The following PPP2CA variants were observed in gnomAD, a reference collection of about 807,000 sequenced individuals.
The protein encoded by PPP2CA is protein phosphatase 2 catalytic subunit alpha.
Under a neutral mutation model 38.8 loss-of-function variants are expected in PPP2CA, and 5 were observed. The observed-to-expected ratio is 0.13, with a 90% CI of 0.07 to 0.27. The LOEUF is 0.27. Among genes scored for constraint, PPP2CA ranks in the 10% least tolerant of loss-of-function variants. The pLI, the probability that PPP2CA is intolerant of heterozygous loss-of-function variation, is 1.00. For synonymous variants in PPP2CA, 152 were observed against 134.0 expected (o/e 1.13, Z -0.93); for missense variants, 88 against 389.7 (o/e 0.23, Z 6.52).
At chr5:134,224,310 TA>T (rs1314527598) in intron 1 of PPP2CA, 1 of 455,830 alleles carries the variant, frequency 2.2e-6, no homozygotes, top group Non-Finnish European at 4.4e-6. Context: ...TCGCTACCAT[TA>T]AAAGGCATCT....
intron 1 of PPP2CA, among the ~76,000 whole-genome samples, chr5:134,209,615 A>C (rs1425181392): frequency 2.0e-5 from 3 of 151,684 alleles, no homozygotes; most frequent in Non-Finnish European, 4.4e-5. Context: ...CCCCGTCTCT[A>C]CTAAAAACAC....
At chr5:134,205,080 G>C (rs1045673123) in intron 2 of PPP2CA, among the ~76,000 whole-genome samples, 1 of 151,632 alleles carries the variant, frequency 6.6e-6, no homozygotes, top group African/African-American at 2.4e-5. Flanking sequence ...CTACAGGCCT[G>C]TGCCACCACA....
rs10649430 is a variant in PPP2CA, at chr5:134,220,456, CAAAAAAAAA to C, written c.102+5295_102+5303del. On this transcript the variant is annotated intron_variant, in intron 1 of 6. Transcript: ENST00000481195. ...CCTGGGCGACTGTGAGACTCTATCT[CAAAAAAAAA>C]AAAAAAAAAAAAAGCCCACAAAAAC... 1.4e-3 allele frequency among the ~76,000 whole-genome samples: 75 copies of C among 54,054 alleles called. No homozygotes were observed. The Middle Eastern group carries it at 0.058, about 42-fold the overall frequency. The allele number at this position is 54,054 out of a possible 152,430, so 35.5% of individuals were successfully genotyped here. A position where few individuals can be genotyped will look rare whatever the true frequency, so the allele number is the denominator to read the frequency against.
At position 134,197,496 on chromosome 5, in the gene PPP2CA, G is replaced by T; in HGVS notation, c.*276C>A. 2.3e-6 allele frequency: 1 copy of T among 427,810 alleles called. No individual in the cohort carries two copies. Among genetic ancestry groups the T allele is most frequent in the Non-Finnish European group, 4.3e-6 (1 of 234,004 alleles). The allele number at this position is 427,810 out of a possible 1,614,324, so 26.5% of individuals were successfully genotyped here. A position where few individuals can be genotyped will look rare whatever the true frequency, so the allele number is the denominator to read the frequency against. The stretch of plus-strand genomic sequence containing the variant: ...ATCTTATTATCTGCAGTCTCTCAGA[G>T]AAAGCAAAAGTAACTACAAATAGCG... On this transcript the variant is annotated 3_prime_UTR_variant, in exon 7 of 7. Coordinates refer to ENST00000481195, the MANE Select transcript of PPP2CA (RefSeq NM_002715.4).
chr5:134,213,416 G>GAA (rs56697097), intron 1 of PPP2CA, among the ~76,000 whole-genome samples: 2,205 of 147,886 alleles, frequency 0.015, 37 homozygotes, highest in African/African-American at 0.039. Flanking sequence ...CTACTGCTCA[G>GAA]AAAAAAAAAA....
At position 134,195,106 on chromosome 5, in the gene PPP2CA, A is replaced by G. The variant is rs1761821331; in HGVS notation, c.*2666T>C. ...AACTTCTATTTAAGAAATACCGACT[A>G]CAACCAACAAATGTTTAATATGCAG... On this transcript the variant is annotated 3_prime_UTR_variant, in exon 7 of 7. Coordinates refer to ENST00000481195, the MANE Select transcript of PPP2CA (RefSeq NM_002715.4). 6.6e-6 allele frequency: 1 copy of G among 152,198 alleles called. No homozygotes were observed. The highest frequency in any genetic ancestry group is 2.1e-4 in the South Asian group (1 of 4,836). 9.4% of individuals were successfully genotyped at this position (152,198 alleles called of 1,614,324 possible).
At chr5:134,208,351 C>T (rs182914286) in intron 1 of PPP2CA, among the ~76,000 whole-genome samples, 1 of 152,254 alleles carries the variant, frequency 6.6e-6, no homozygotes. Context: ...AGTCTAAATG[C>T]TATTTGTTGC....
chr5:134,207,429 C>T (rs1277890521), intron 1 of PPP2CA, among the ~76,000 whole-genome samples: 1 of 152,030 alleles, frequency 6.6e-6, no homozygotes, highest in Non-Finnish European at 1.5e-5. Context: ...AACACCAATG[C>T]CCATTCCTTC....
intron 4 of PPP2CA, 87 bp from the exon 5 acceptor site, chr5:134,200,583 G>A: frequency 7.0e-7 from 1 of 1,428,360 alleles, no homozygotes; most frequent in Non-Finnish European, 9.5e-7. Context: ...AGCACCCTAA[G>A]CCACCCTTTT....
chr5:134,214,493 C>A (rs1580647153), intron 1 of PPP2CA, among the ~76,000 whole-genome samples: 1 of 152,092 alleles, frequency 6.6e-6, no homozygotes, highest in African/African-American at 2.4e-5. Context: ...CTATAAAACT[C>A]AATTATGCCA....
rs1761885845 is a variant in PPP2CA, at chr5:134,197,766, A to G, written c.*6T>C. The G allele has an allele frequency of 6.2e-7, 1 of 1,611,824 alleles. No individual in the cohort carries two copies. The highest frequency in any genetic ancestry group is 2.2e-5 in the East Asian group (1 of 44,878). ...CATGGCAATACTGTACAAGTTTAAA[A>G]TTTCATTACAGGAAGTAGTCTGGGG... is the stretch of plus-strand genomic sequence containing the variant. On this transcript the variant is annotated 3_prime_UTR_variant, in exon 7 of 7. Coordinates refer to ENST00000481195, the MANE Select transcript of PPP2CA (RefSeq NM_002715.4).
chr5:134,219,949 T>A (rs1426814110), intron 1 of PPP2CA, among the ~76,000 whole-genome samples: 1 of 146,348 alleles, frequency 6.8e-6, no homozygotes, highest in East Asian at 2.0e-4. Flanking sequence ...AGACAAAGGT[T>A]GCAGTGAGCC....
intron 1 of PPP2CA, among the ~76,000 whole-genome samples, 161 bp from the exon 2 acceptor site, chr5:134,206,292 T>C (rs1485160146): frequency 3.3e-5 from 5 of 152,174 alleles, no homozygotes; most frequent in Admixed American, 3.3e-4. Context: ...ATGATTATAA[T>C]CCATTAGCTA....
Position 134,205,936 on chromosome 5 carries a change from G to A in PPP2CA, c.298C>T (p.Leu100Phe), listed in dbSNP as rs1762074651. ...ATTGAAATTACCTTAAGAGCTACAA[G>A]CAGTGTAACTGTTTCAACTGAATAA... ...GYYSVETVTL[L>F]VALKVRYRER... The change falls in exon 2 of 7, where the codon CTT becomes TTT. Residue 100 changes from leucine (L) to phenylalanine (F), a missense_variant. Physicochemically the swap from Leu to Phe is conservative, Grantham distance 22. Transcript: ENST00000481195. 1 of 1,612,834 alleles carries A rather than the reference G, an allele frequency of 6.2e-7. No individual in the cohort carries two copies. The highest frequency in any genetic ancestry group is 8.5e-7 in the Non-Finnish European group (1 of 1,178,854).
At chr5:134,208,062 A>G (rs1311937180) in intron 1 of PPP2CA, among the ~76,000 whole-genome samples, 4 of 152,204 alleles carry the variant, frequency 2.6e-5, no homozygotes, top group Non-Finnish European at 4.4e-5. Flanking sequence ...ACTAAATGAA[A>G]TAAGTCCTAC....
intron 4 of PPP2CA, 60 bp downstream of exon 4, chr5:134,200,925 T>A: frequency 7.4e-7 from 1 of 1,347,700 alleles, no homozygotes; most frequent in Non-Finnish European, 1.1e-6. Flanking sequence ...GAACTTACAA[T>A]TAAACTTCTC....
intron 1 of PPP2CA, among the ~76,000 whole-genome samples, chr5:134,211,746 G>A (rs2149386109): frequency 6.6e-6 from 1 of 151,738 alleles, no homozygotes; most frequent in Non-Finnish European, 1.5e-5. Flanking sequence ...CAAAGGCTGG[G>A]ATTACAGGCA....
chr5:134,212,564 G>C (rs2149386326), intron 1 of PPP2CA, among the ~76,000 whole-genome samples: 1 of 152,186 alleles, frequency 6.6e-6, no homozygotes, highest in East Asian at 1.9e-4. Context: ...CCCTACAATG[G>C]CCTCCAAATG....
chr5:134,225,460 G>T, intron 1 of PPP2CA: 1 of 308,430 alleles, frequency 3.2e-6, no homozygotes. Context: ...CGTCCCTGAC[G>T]ATGACCCACA....
Sources: allele counts gnomAD v4.1 joint callset (sites outside exome capture counted in the v4.1 genomes callset), GRCh38; gene constraint gnomAD v4.1.1; transcripts MANE v1.5; gene names NCBI Gene and HGNC (gene_info 2026-07-23, HGNC 2026-07-21).